PBX3: variants seen among roughly 807,000 people sequenced by gnomAD.
The protein encoded by PBX3 is pre-B-cell leukemia transcription factor 3.
A neutral mutation model predicts 48.5 loss-of-function variants in PBX3; 14 were observed. The ratio of observed to expected loss-of-function variants is 0.29; its 90% CI spans 0.19 to 0.45. The LOEUF is 0.45. Ranked by LOEUF, PBX3 falls within the 20% of genes least tolerant of loss-of-function variation. The pLI is 1.00. For missense variants in PBX3, 386 were observed against 546.7 expected (o/e 0.71, Z 2.93); for synonymous variants, 210 against 200.3 (o/e 1.05, Z -0.41).
chr9:125,778,605 C>CTTTTTT (rs138965100), intron 2 of PBX3, among the ~76,000 whole-genome samples: 2 of 132,902 alleles, frequency 1.5e-5, no homozygotes, highest in African/African-American at 5.7e-5. Flanking sequence ...TTGATCTTTT[C>CTTTTTT]TTTTTTTTTT....
chr9:125,868,560 C>T (rs1467762168), intron 2 of PBX3, among the ~76,000 whole-genome samples: 3 of 152,068 alleles, frequency 2.0e-5, no homozygotes, highest in South Asian at 4.2e-4. Context: ...ATTCCAGGGG[C>T]GTGGAGTAGG....
chr9:125,798,487 C>T (rs566594538), intron 2 of PBX3, among the ~76,000 whole-genome samples: 91 of 138,004 alleles, frequency 6.6e-4, no homozygotes, highest in African/African-American at 2.5e-3. Context: ...CTTATCCCCA[C>T]CTCCCATTTC....
At chr9:125,889,976 A>G (rs367998936) in intron 2 of PBX3, among the ~76,000 whole-genome samples, 4 of 151,746 alleles carry the variant, frequency 2.6e-5, no homozygotes, top group East Asian at 3.9e-4. Flanking sequence ...GTAGCAGCTG[A>G]CCTTAGCCGG....
intron 2 of PBX3, among the ~76,000 whole-genome samples, chr9:125,780,968 C>T (rs1410984059): frequency 2.0e-4 from 20 of 98,412 alleles, no homozygotes; most frequent in East Asian, 3.4e-4. Flanking sequence ...GGGTTGCGGC[C>T]GGGCAGAGGC....
chr9:125,891,119 A>G (rs1230957897), intron 2 of PBX3, among the ~76,000 whole-genome samples: 2 of 152,212 alleles, frequency 1.3e-5, no homozygotes, highest in Non-Finnish European at 2.9e-5. Flanking sequence ...GATAACATGT[A>G]TTACTTTAAA....
chr9:125,911,375 C>T (rs939055493), intron 2 of PBX3, among the ~76,000 whole-genome samples: 4 of 152,064 alleles, frequency 2.6e-5, no homozygotes, highest in Non-Finnish European at 2.9e-5. Context: ...CTGTGGCTGA[C>T]TTGATTTTTA....
chr9:125,900,053 C>T (rs550337314), intron 2 of PBX3, among the ~76,000 whole-genome samples: 7 of 151,780 alleles, frequency 4.6e-5, no homozygotes, highest in South Asian at 2.1e-4. Flanking sequence ...TTAAGCATAT[C>T]TCTGACAATA....
intron 2 of PBX3, among the ~76,000 whole-genome samples, chr9:125,860,719 T>C (rs1839840884): frequency 1.3e-5 from 2 of 150,764 alleles, no homozygotes; most frequent in Non-Finnish European, 3.0e-5. Flanking sequence ...GGTGAAACCC[T>C]GTCTCTACTA....
At chr9:125,757,033 C>T (rs1352149265) in intron 2 of PBX3, among the ~76,000 whole-genome samples, 1 of 152,118 alleles carries the variant, frequency 6.6e-6, no homozygotes, top group Non-Finnish European at 1.5e-5. Flanking sequence ...AAGGTTTCTA[C>T]AGGCTTTCAG....
intron 2 of PBX3, among the ~76,000 whole-genome samples, chr9:125,906,588 A>G (rs531986966): frequency 7.2e-5 from 11 of 152,144 alleles, no homozygotes; most frequent in Admixed American, 6.6e-4. Flanking sequence ...CATGAGGGAC[A>G]TATGAATGAC....
At chr9:125,817,638 C>T (rs948074340) in intron 2 of PBX3, among the ~76,000 whole-genome samples, 4 of 152,188 alleles carry the variant, frequency 2.6e-5, no homozygotes, top group Non-Finnish European at 5.9e-5. Context: ...ACTAATCTAA[C>T]TAAAGAACTC....
intron 2 of PBX3, among the ~76,000 whole-genome samples, chr9:125,754,965 ACT>A (rs1043517418): frequency 2.0e-5 from 3 of 152,138 alleles, no homozygotes; most frequent in African/African-American, 4.8e-5. Flanking sequence ...TTAGACAATA[ACT>A]CTTTTTTAGT....
chr9:125,842,911 TG>T (rs761282988), intron 2 of PBX3, among the ~76,000 whole-genome samples: 1 of 152,164 alleles, frequency 6.6e-6, no homozygotes, highest in East Asian at 1.9e-4. Context: ...CTTTAGTTTA[TG>T]GGGGAAATGT....
intron 2 of PBX3, among the ~76,000 whole-genome samples, chr9:125,823,201 A>G (rs560125261): frequency 2.6e-5 from 4 of 152,328 alleles, no homozygotes; most frequent in South Asian, 2.1e-4. Flanking sequence ...CCCTCTGCAA[A>G]TGCTGACCAT....
chr9:125,941,271 C>T (rs1341426947), intron 5 of PBX3, among the ~76,000 whole-genome samples: 1 of 152,168 alleles, frequency 6.6e-6, no homozygotes, highest in South Asian at 2.1e-4. Context: ...GTGCCCTGAG[C>T]AAGGGAGCAA....
intron 5 of PBX3, among the ~76,000 whole-genome samples, chr9:125,953,742 C>T (rs1297551650): frequency 6.6e-6 from 1 of 151,222 alleles, no homozygotes; most frequent in African/African-American, 2.4e-5. Flanking sequence ...AGTTGTTACC[C>T]GAATGAGTCC....
At chr9:125,835,276 A>T (rs938919756) in intron 2 of PBX3, among the ~76,000 whole-genome samples, 1 of 152,064 alleles carries the variant, frequency 6.6e-6, no homozygotes, top group African/African-American at 2.4e-5. Flanking sequence ...TCCTTGTTTG[A>T]TGTAGGAGGA....
chr9:125,867,695 A>C (rs2132309182), intron 2 of PBX3, among the ~76,000 whole-genome samples: 2 of 151,238 alleles, frequency 1.3e-5, no homozygotes, highest in South Asian at 4.2e-4. Flanking sequence ...GTAGATTATA[A>C]TATTGCACCC....
In PBX3 at chr9:125,748,382, C is replaced by T. The variant is rs879090723; in HGVS notation, c.201-168C>T. 3.7e-6 allele frequency: 5 copies of T among 1,347,472 alleles called. No individual in the cohort carries two copies. The Admixed American group carries it at 8.4e-5, about 23-fold the overall frequency. The allele number at this position is 1,347,472 out of a possible 1,614,324, so 83.5% of individuals were successfully genotyped here. On this transcript the variant is annotated intron_variant, in intron 1 of 8. Transcript: ENST00000373489. ...CTGCAGCTTTCGCCGCCGGGGCTTG[C>T]TGGCTGTCGGGAACTAGTCAACTGG...
Sources: gnomAD v4.1 joint callset for allele counts (sites outside exome capture counted in the v4.1 genomes callset) on GRCh38, gnomAD v4.1.1 for gene constraint, MANE v1.5 for transcripts, NCBI Gene and HGNC (gene_info 2026-07-23, HGNC 2026-07-21) for gene names.